Variants in MBD2 observed in about 807,000 individuals in gnomAD.
MBD2 encodes the protein methyl-CpG-binding domain protein 2.
In MBD2, 9 loss-of-function variants were observed where a neutral mutation model predicts 39.3. The observed-to-expected ratio is 0.23, with a 90% CI of 0.14 to 0.40. MBD2 has a LOEUF of 0.40. MBD2 is among the 10% of genes least tolerant of loss of function. The pLI is 1.00. For synonymous variants in MBD2, 233 were observed against 211.1 expected, an observed-to-expected ratio of 1.10 and a Z score of -0.90; for missense variants, 458 against 532.6, an observed-to-expected ratio of 0.86 and a Z score of 1.38.
intron 1 of MBD2, among the ~76,000 whole-genome samples, chr18:54,218,502 T>C (rs1454325300): frequency 6.6e-6 from 1 of 152,196 alleles, no homozygotes; most frequent in African/African-American, 2.4e-5. Flanking sequence ...GGGATCTCTA[T>C]GCCATGCAAC....
chr18:54,201,921 T>C (rs555640318), intron 2 of MBD2, among the ~76,000 whole-genome samples: 2 of 151,962 alleles, frequency 1.3e-5, no homozygotes, highest in East Asian at 1.9e-4. Context: ...TCATCACCAG[T>C]AATTCACCTC....
At chr18:54,165,946 C>A (rs1010298454) in intron 4 of MBD2, 130 bp downstream of exon 4, 3 of 609,900 alleles carry the variant, frequency 4.9e-6, no homozygotes, top group Non-Finnish European at 8.8e-6. Flanking sequence ...GGTACGTCAT[C>A]CAGCAAGGCA....
At chr18:54,177,246 T>A (rs2086218082) in intron 3 of MBD2, among the ~76,000 whole-genome samples, 1 of 152,200 alleles carries the variant, frequency 6.6e-6, no homozygotes, top group African/African-American at 2.4e-5. Flanking sequence ...ATTTGCTCAG[T>A]GTTGATTTTC....
chr18:54,224,202 C>T lies in MBD2; in HGVS notation c.358G>A (p.Gly120Ser), dbSNP rs1284319489. The change falls in exon 1 of 7, where the codon GGC becomes AGC. Residue 120 changes from glycine to serine, a missense_variant. Gly to Ser is a moderately conservative substitution (Grantham distance 56, BLOSUM62 0). This residue lies in a region of MBD2 where 269 missense variants were observed against 236.0 expected (regional missense o/e 1.14). Coordinates refer to ENST00000256429, the MANE Select transcript of MBD2 (RefSeq NM_003927.5). ...GCGGGGSGGG[G>S]APRREPVPFP... ...GGGACCGGCTCCCGCCGGGGGGCGC[C>T]GCCGCCACCGCTGCCGCCGCCGCCG... 3.3e-5 allele frequency: 39 copies of T among 1,191,760 alleles called. No homozygotes were observed. The highest frequency in any genetic ancestry group is 4.0e-5 in the Non-Finnish European group (39 of 963,974). The allele number at this position is 1,191,760 out of a possible 1,614,324, so 73.8% of individuals were successfully genotyped here.
rs567463054 is a variant in MBD2 at position 54,158,212 on chromosome 18, T to C, written c.*12+1553A>G. ...CATTCCCCCCACCCCTCCCCAGACA[T>C]ACTGCATTCCAACCACGTGGATAAT... On this transcript the variant is annotated intron_variant, in intron 6 of 6. Coordinates refer to ENST00000256429, the MANE Select transcript of MBD2 (RefSeq NM_003927.5). Among the ~76,000 whole-genome samples the C allele has an allele frequency of 1.8e-4, 26 of 143,232 alleles. No individual in the cohort carries two copies. The East Asian group carries it at 4.7e-3, about 26-fold the overall frequency. 94.0% of individuals were successfully genotyped at this position (143,232 alleles called of 152,430 possible).
At chr18:54,186,993 G>A (rs748913454) in intron 3 of MBD2, among the ~76,000 whole-genome samples, 91 of 152,190 alleles carry the variant, frequency 6.0e-4, no homozygotes, top group Non-Finnish European at 1.1e-3. Context: ...AGAACAAGGA[G>A]CAACTAGTCT....
chr18:54,169,134 A>C (rs1447577458), intron 3 of MBD2, among the ~76,000 whole-genome samples: 1 of 152,194 alleles, frequency 6.6e-6, no homozygotes, highest in African/African-American at 2.4e-5. Flanking sequence ...GCTCAGCACA[A>C]GCAACTTCTT....
At chr18:54,184,028 T>G (rs562014869) in intron 3 of MBD2, among the ~76,000 whole-genome samples, 2 of 152,182 alleles carry the variant, frequency 1.3e-5, no homozygotes, top group African/African-American at 4.8e-5. Context: ...TTCTCATTTT[T>G]AAAATTTAAC....
At chr18:54,156,599 C>G (rs1463112887) in intron 6 of MBD2, among the ~76,000 whole-genome samples, 2 of 152,124 alleles carry the variant, frequency 1.3e-5, no homozygotes, top group Non-Finnish European at 2.9e-5. Context: ...AATCCCAGCA[C>G]TTTGGGAGGC....
At position 54,224,278 on chromosome 18, in the gene MBD2, G is replaced by A. The variant is rs1423833686; in HGVS notation, c.282C>T (p.Arg94=). Residue 94 remains arginine, a synonymous_variant, in exon 1 of 7, where the codon CGC becomes CGT. Transcript: ENST00000256429. ...CGCTGCCGCCACTCGGGGGACGGCC[G>A]CGGCCCCGGCCCCGGCCCCGTCCCC... The part of the protein sequence containing the change: ...RGRGRGRGRG[R]GRPPSGGSGL... 2.1e-6 allele frequency: 2 copies of A among 942,162 alleles called. No individual in the cohort carries two copies. The highest frequency in any genetic ancestry group is 2.5e-6 in the Non-Finnish European group (2 of 794,140). 58.4% of individuals were successfully genotyped at this position (942,162 alleles called of 1,614,324 possible). A position where few individuals can be genotyped will look rare whatever the true frequency, so the allele number is the denominator to read the frequency against.
chr18:54,197,128 T>C (rs985462797), intron 2 of MBD2, among the ~76,000 whole-genome samples: 1 of 152,176 alleles, frequency 6.6e-6, no homozygotes, highest in Admixed American at 6.5e-5. Flanking sequence ...CATCTTTCCC[T>C]TTCTTCCTTT....
chr18:54,159,860 C>A lies in MBD2; in HGVS notation c.1153G>T (p.Glu385Ter). 1.2e-6 allele frequency: 2 copies of A among 1,612,902 alleles called. No homozygotes were observed. Among genetic ancestry groups the A allele is most frequent in the South Asian group, 2.2e-5 (2 of 91,080 alleles). ...GACAAGATGTCTGCCATCAGTGCTTCTTCCAATTTCTTGCGTACTTGCTGT... is the reference window on the plus strand; with the variant it reads ...GACAAGATGTCTGCCATCAGTGCTTATTCCAATTTCTTGCGTACTTGCTGT... ...RVQQVRKKLE[E>*]ALMADILSRA... The change falls in exon 6 of 7, where the codon GAA becomes TAA. Residue 385 changes from glutamate (E) to a stop codon, truncating the protein, a stop_gained. Transcript: ENST00000256429. LOFTEE classifies it high-confidence loss of function.
At position 54,224,011 on chromosome 18, in the gene MBD2, G is replaced by T. The variant is rs770036079; in HGVS notation, c.542+7C>A. ...CCGCCACCCCCTCCCCGCCCCCAGG[G>T]AGGTACCTGAAGTAGTAGACATCGC... On this transcript the variant is annotated splice_region_variant and intron_variant, in intron 1 of 6. Coordinates refer to ENST00000256429, the MANE Select transcript of MBD2 (RefSeq NM_003927.5). 6.3e-7 allele frequency: 1 copy of T among 1,598,836 alleles called. No homozygotes were observed. Among genetic ancestry groups the T allele is most frequent in the Non-Finnish European group, 8.5e-7 (1 of 1,173,304 alleles).
chr18:54,174,023 T>C (rs1396439367), intron 3 of MBD2, among the ~76,000 whole-genome samples: 1 of 152,178 alleles, frequency 6.6e-6, no homozygotes, highest in South Asian at 2.1e-4. Flanking sequence ...ACACAGACTA[T>C]ATTTCTATGC....
chr18:54,160,898 G>T (rs973579894), intron 5 of MBD2, among the ~76,000 whole-genome samples: 21 of 151,786 alleles, frequency 1.4e-4, no homozygotes, highest in African/African-American at 5.1e-4. Flanking sequence ...AAGCTCTTGA[G>T]ACCAGAAGAA....
rs1242364349 is a variant in MBD2 at position 54,189,011 on chromosome 18, C to G, written c.703G>C (p.Gly235Arg). Residue 235 changes from glycine (G) to arginine (R), a missense_variant and splice_region_variant, in exon 3 of 7, where the codon GGT (glycine) becomes CGT (arginine). By Grantham distance (125) the Gly-to-Arg change is moderately radical. Coordinates refer to ENST00000256429, the MANE Select transcript of MBD2 (RefSeq NM_003927.5). ...AATGTTGTATTCAAGTCTGGTTTAC[C>G]CTGTGAATATAAATGTATTTTTATT... ...LRNDPLNQNK[G>R]KPDLNTTLPI... 6.3e-7 allele frequency: 1 copy of G among 1,581,472 alleles called. No individual in the cohort carries two copies. The highest frequency in any genetic ancestry group is 8.6e-7 in the Non-Finnish European group (1 of 1,160,878).
chr18:54,167,360 C>T (rs678114), intron 3 of MBD2, among the ~76,000 whole-genome samples: 6,466 of 152,208 alleles, frequency 0.042, 428 homozygotes, highest in African/African-American at 0.15. Flanking sequence ...TCTAGATAGA[C>T]GACCTTGGAC....
intron 3 of MBD2, among the ~76,000 whole-genome samples, chr18:54,174,148 G>T (rs991281874): frequency 6.6e-6 from 1 of 152,148 alleles, no homozygotes; most frequent in Non-Finnish European, 1.5e-5. Flanking sequence ...AGCTTGCTTG[G>T]TTTATACACC....
chr18:54,224,244 CGCCAAGGCCGCT>C lies in MBD2; in HGVS notation c.304_315del (p.Ser102_Gly105del). 1.0e-6 allele frequency: 1 copy of C among 984,472 alleles called. No individual in the cohort carries two copies. Among genetic ancestry groups the C allele is most frequent in the Non-Finnish European group, 1.2e-6 (1 of 829,142 alleles). 61.0% of individuals were successfully genotyped at this position (984,472 alleles called of 1,614,324 possible). ...CCGCCGCCGCAGCCGCCGCCGTCGC[CGCCAAGGCCGCT>C]GCCGCCACTCGGGGGACGGCCGCGG... is the stretch of plus-strand genomic sequence containing the variant. On this transcript the variant is annotated inframe_deletion, in exon 1 of 7. Coordinates refer to ENST00000256429, the MANE Select transcript of MBD2 (RefSeq NM_003927.5).
Sources: gnomAD v4.1 joint callset for allele counts (sites outside exome capture counted in the v4.1 genomes callset) on GRCh38, gnomAD v4.1.1 for gene constraint, gnomAD v4.1.1 regional missense constraint, MANE v1.5 for transcripts, NCBI Gene and HGNC (gene_info 2026-07-23, HGNC 2026-07-21) for gene names.